CFAP54: variants seen among roughly 807,000 people sequenced by gnomAD.
CFAP54 encodes the protein cilia- and flagella-associated protein 54.
CFAP54 carries 290 observed loss-of-function variants against 370.4 expected under a neutral mutation model. The observed-to-expected ratio is 0.78, with a 90% CI of 0.71 to 0.86. The LOEUF (loss-of-function observed/expected upper bound fraction) is 0.86, where lower values mean the gene tolerates loss of function less well. Ranked by LOEUF, CFAP54 falls within the 40% of genes least tolerant of loss-of-function variation. The pLI, the probability that CFAP54 is intolerant of heterozygous loss-of-function variation, is 0.00. For synonymous variants in CFAP54, 1,206 were observed against 1,236.5 expected (o/e 0.98, Z 0.52); for missense variants, 3,399 against 3,528.7 (o/e 0.96, Z 0.93).
At chr12:96,862,883 T>G (rs1959912079) in intron 67 of CFAP54, among the ~76,000 whole-genome samples, 1 of 152,174 alleles carries the variant, frequency 6.6e-6, no homozygotes, top group Non-Finnish European at 1.5e-5. Flanking sequence ...TAATTTATTA[T>G]GCAAAGCTAG....
chr12:96,827,707 T>TATATAATTATATTTAATTATATTTA (rs1555340731), intron 65 of CFAP54, among the ~76,000 whole-genome samples: 1 of 90,248 alleles, frequency 1.1e-5, no homozygotes, highest in Admixed American at 1.6e-4. Flanking sequence ...TATTATATTA[T>TATATAATTATATTTAATTATATTTA]ATATAATTAT....
chr12:96,665,917 CTG>C (rs1171753544), intron 39 of CFAP54, among the ~76,000 whole-genome samples: 2 of 152,152 alleles, frequency 1.3e-5, no homozygotes, highest in Non-Finnish European at 2.9e-5. Context: ...GGCAATATGA[CTG>C]TTTTAATGAT....
chr12:96,813,859 C>T (rs773078847), intron 64 of CFAP54, among the ~76,000 whole-genome samples: 1 of 152,256 alleles, frequency 6.6e-6, no homozygotes. Context: ...CTGGAACAGG[C>T]GTTGACCTGG....
At chr12:96,541,287 CTT>C (rs34387826) in intron 14 of CFAP54, among the ~76,000 whole-genome samples, 38 of 135,838 alleles carry the variant, frequency 2.8e-4, no homozygotes, top group Non-Finnish European at 3.8e-4. Flanking sequence ...CTTTCTCTCC[CTT>C]TTTTTTTTTT....
intron 4 of CFAP54, among the ~76,000 whole-genome samples, chr12:96,508,213 A>G (rs1018194645): frequency 6.6e-5 from 9 of 137,180 alleles, no homozygotes; most frequent in Non-Finnish European, 1.2e-4. Flanking sequence ...TGCAGCCTTG[A>G]GCCTTGAACT....
intron 32 of CFAP54, among the ~76,000 whole-genome samples, chr12:96,631,777 CATAA>C (rs1192802587): frequency 6.6e-6 from 1 of 150,504 alleles, no homozygotes; most frequent in Non-Finnish European, 1.5e-5. Flanking sequence ...TTCAGTCTCT[CATAA>C]ATAAACATTT....
At chr12:96,526,633 G>T (rs965372186) in intron 8 of CFAP54, among the ~76,000 whole-genome samples, 3 of 152,150 alleles carry the variant, frequency 2.0e-5, no homozygotes, top group African/African-American at 7.2e-5. Context: ...CTATAATGAA[G>T]ATACTATAAA....
chr12:96,550,674 T>TA (rs1266155005), intron 15 of CFAP54, among the ~76,000 whole-genome samples: 1 of 152,182 alleles, frequency 6.6e-6, no homozygotes, highest in Admixed American at 6.5e-5. Context: ...AGAAAACACT[T>TA]AGAGATTTTG....
Position 96,630,657 on chromosome 12 carries a change from C to T in CFAP54, c.4316+6C>T, listed in dbSNP as rs1956598143. The T allele has an allele frequency of 1.4e-6, 2 of 1,444,604 alleles. No homozygotes were observed. The highest frequency in any genetic ancestry group is 5.0e-5 in the Admixed American group (2 of 39,676). The allele number at this position is 1,444,604 out of a possible 1,614,324, so 89.5% of individuals were successfully genotyped here. A position where few individuals can be genotyped will look rare whatever the true frequency, so the allele number is the denominator to read the frequency against. ...GAAATGGTGGCACATGAAAGGTATTCACTAATTAATTAATTCAATAAAAGT... is the reference window on the plus strand; with the variant it reads ...GAAATGGTGGCACATGAAAGGTATTTACTAATTAATTAATTCAATAAAAGT... On this transcript the variant is annotated splice_donor_region_variant and intron_variant, in intron 32 of 67. Transcript: ENST00000524981.
intron 62 of CFAP54, among the ~76,000 whole-genome samples, chr12:96,791,567 G>T (rs1379906697): frequency 6.6e-6 from 1 of 152,044 alleles, no homozygotes; most frequent in Admixed American, 6.6e-5. Context: ...GAGCAAGTGG[G>T]TTTTACAGCA....
chr12:96,500,467 T>C (rs548226619), intron 1 of CFAP54, among the ~76,000 whole-genome samples: 1 of 152,350 alleles, frequency 6.6e-6, no homozygotes, highest in African/African-American at 2.4e-5. Flanking sequence ...GATGTGTCAA[T>C]GTAGGTTCAT....
intron 32 of CFAP54, among the ~76,000 whole-genome samples, chr12:96,642,278 C>G (rs1017576678): frequency 1.3e-5 from 2 of 152,088 alleles, no homozygotes; most frequent in African/African-American, 2.4e-5. Flanking sequence ...CTTGTACACA[C>G]CTTGTACAGC....
At chr12:96,805,197 C>G (rs908232941) in intron 63 of CFAP54, among the ~76,000 whole-genome samples, 1 of 151,898 alleles carries the variant, frequency 6.6e-6, no homozygotes, top group Admixed American at 6.6e-5. Context: ...CATTTATGAC[C>G]AAGTCCTCAA....
intron 3 of CFAP54, 40 bp from the exon 4 acceptor site, chr12:96,506,888 G>T: frequency 4.0e-6 from 6 of 1,495,616 alleles, no homozygotes; most frequent in Non-Finnish European, 5.3e-6. Context: ...TTCCTGGCCA[G>T]TTATTTCTAT....
At chr12:96,600,235 G>A (rs779417191) in intron 26 of CFAP54, among the ~76,000 whole-genome samples, 3 of 152,040 alleles carry the variant, frequency 2.0e-5, no homozygotes. Flanking sequence ...AGTTTTCCCA[G>A]CACCATTTAT....
At chr12:96,684,938 T>C in intron 41 of CFAP54, 91 bp from the exon 42 acceptor site, 1 of 1,215,120 alleles carries the variant, frequency 8.2e-7, no homozygotes, top group South Asian at 1.3e-5. Context: ...TTAATTGACG[T>C]TGCTTCGGTG....
At chr12:96,728,044 C>T (rs1957865182) in intron 50 of CFAP54, among the ~76,000 whole-genome samples, 1 of 152,316 alleles carries the variant, frequency 6.6e-6, no homozygotes, top group East Asian at 1.9e-4. Context: ...GCTGAGAGAT[C>T]CACTGTTAGT....
At chr12:96,521,770 A>C (rs1260021537) in intron 6 of CFAP54, 87 bp from the exon 7 acceptor site, 2 of 995,786 alleles carry the variant, frequency 2.0e-6, no homozygotes, top group Non-Finnish European at 2.9e-6. Flanking sequence ...GATTAAATCA[A>C]ATGCCTGGGA....
chr12:96,829,574 T>TGC (rs1959164324), intron 66 of CFAP54, among the ~76,000 whole-genome samples: 1 of 152,134 alleles, frequency 6.6e-6, no homozygotes, highest in African/African-American at 2.4e-5. Context: ...TTTACATAGC[T>TGC]AGATCTTTAT....
Sources: gnomAD v4.1 joint callset for allele counts (sites outside exome capture counted in the v4.1 genomes callset) on GRCh38, gnomAD v4.1.1 for gene constraint, MANE v1.5 for transcripts, NCBI Gene and HGNC (gene_info 2026-07-23, HGNC 2026-07-21) for gene names.